CLCN4: variants seen among roughly 807,000 people sequenced by gnomAD.
CLCN4 encodes the protein H(+)/Cl(-) exchange transporter 4.
Under a neutral mutation model 41.7 loss-of-function variants are expected in CLCN4, and 1 was observed. That is an observed-to-expected ratio of 0.02 (90% CI 0.01 to 0.11). The LOEUF is 0.11. Among genes scored for constraint, CLCN4 ranks in the 10% least tolerant of loss-of-function variants. The pLI is 1.00. For missense variants in CLCN4, 287 were observed against 661.0 expected, an observed-to-expected ratio of 0.43 and a Z score of 6.20; for synonymous variants, 277 against 285.8, an observed-to-expected ratio of 0.97 and a Z score of 0.31.
intron 12 of CLCN4, among the ~76,000 whole-genome samples, chrX:10,227,998 T>C (rs1422991184): frequency 9.0e-6 from 1 of 110,983 alleles, no homozygotes; most frequent in Non-Finnish European, 1.9e-5. Flanking sequence ...GGGTATATGG[T>C]ATATTTTGAT....
chrX:10,230,504 A>G (rs146324959), intron 12 of CLCN4, among the ~76,000 whole-genome samples: 9 of 112,000 alleles, frequency 8.0e-5, no homozygotes, highest in Non-Finnish European at 1.7e-4. Flanking sequence ...ACAAATCAGG[A>G]TGGAAAGAAA....
intron 6 of CLCN4, among the ~76,000 whole-genome samples, chrX:10,204,395 T>C (rs1924316122): frequency 8.9e-6 from 1 of 111,809 alleles, no homozygotes; most frequent in Non-Finnish European, 1.9e-5. Flanking sequence ...ACATATATCA[T>C]TGGAATGTTG....
At chrX:10,173,227 T>A (rs183579125) in intron 2 of CLCN4, among the ~76,000 whole-genome samples, 6 of 111,448 alleles carry the variant, frequency 5.4e-5, no homozygotes, top group Admixed American at 2.9e-4. Context: ...GCGTCTCAAA[T>A]GCAGTCTTGG....
chrX:10,233,813 A>G lies in CLCN4; in HGVS notation c.*229A>G, dbSNP rs1925182465. 1 of 370,211 alleles carries G rather than the reference A, an allele frequency of 2.7e-6. No homozygotes were observed. Among genetic ancestry groups the G allele is most frequent in the African/African-American group, 2.6e-5 (1 of 38,660 alleles). 30.5% of individuals were successfully genotyped at this position (370,211 alleles called of 1,213,427 possible). On this transcript the variant is annotated 3_prime_UTR_variant, in exon 13 of 13. Coordinates refer to ENST00000380833, the MANE Select transcript of CLCN4 (RefSeq NM_001830.4). ...TATGAGTTTCAAGCTGTGTTTCCTA[A>G]TGAGTTTGCTACTGCTGTGGGGGCA...
chrX:10,195,129 A>G (rs765929655), intron 5 of CLCN4, 31 bp downstream of exon 5: 1 of 1,163,669 alleles, frequency 8.6e-7, no homozygotes, highest in Non-Finnish European at 1.2e-6. Context: ...CTGGCTGGGG[A>G]CCCCTGCCGT....
At chrX:10,160,998 T>C (rs1310789100) in intron 2 of CLCN4, among the ~76,000 whole-genome samples, 1 of 110,641 alleles carries the variant, frequency 9.0e-6, no homozygotes, top group South Asian at 3.9e-4. Context: ...GGGGGACATG[T>C]TTACTATGTG....
chrX:10,220,870 C>T lies in CLCN4; in HGVS notation c.2185C>T (p.Arg729Trp), dbSNP rs769848382. Residue 729 changes from arginine (R) to tryptophan (W), a missense_variant, in exon 12 of 13, where the codon CGG (arginine) becomes TGG (tryptophan). Physicochemically the swap from Arg to Trp is moderately radical, Grantham distance 101. Coordinates refer to ENST00000380833, the MANE Select transcript of CLCN4 (RefSeq NM_001830.4). ...KLGLRQCLVT[R>W]SGRLLGIITK... is the part of the protein sequence containing the mutation. The stretch of plus-strand genomic sequence containing the variant: ...GGGGCTTCGGCAGTGCCTGGTGACG[C>T]GGAGCGGGTGAGTAGCCGGACATGT... 1.7e-6 allele frequency: 2 copies of T among 1,207,062 alleles called. No homozygotes were observed. The highest frequency in any genetic ancestry group is 3.0e-5 in the East Asian group (1 of 33,806).
intron 2 of CLCN4, among the ~76,000 whole-genome samples, chrX:10,177,183 G>A (rs758316643): frequency 6.2e-5 from 7 of 112,657 alleles, no homozygotes; most frequent in South Asian, 3.6e-4. Flanking sequence ...TTCAGTGTCC[G>A]CGAATAAAGT....
chrX:10,209,990 T>C (rs1924503289), intron 9 of CLCN4, among the ~76,000 whole-genome samples: 1 of 111,533 alleles, frequency 9.0e-6, no homozygotes, highest in South Asian at 3.8e-4. Flanking sequence ...CCCATCTCCA[T>C]TAACAGTCAT....
At chrX:10,170,083 C>T (rs918395722) in intron 2 of CLCN4, among the ~76,000 whole-genome samples, 2 of 111,900 alleles carry the variant, frequency 1.8e-5, no homozygotes, top group African/African-American at 3.3e-5. Context: ...CCACCACACC[C>T]GCCCTCTTAT....
At chrX:10,196,686 A>G (rs978438395) in intron 5 of CLCN4, among the ~76,000 whole-genome samples, 2 of 110,941 alleles carry the variant, frequency 1.8e-5, no homozygotes, top group African/African-American at 6.6e-5. Flanking sequence ...GAAATCTCAC[A>G]TGTTCTCAGT....
At chrX:10,172,693 G>C (rs7884232) in intron 2 of CLCN4, among the ~76,000 whole-genome samples, 1 of 100,239 alleles carries the variant, frequency 1.0e-5, no homozygotes, top group Non-Finnish European at 2.0e-5. Context: ...GCGTGTGTGT[G>C]TGTGTGTGAG....
chrX:10,213,238 G>C (rs991366578), intron 10 of CLCN4, among the ~76,000 whole-genome samples: 2 of 112,024 alleles, frequency 1.8e-5, no homozygotes, highest in African/African-American at 3.3e-5. Context: ...TAAAAATCTT[G>C]GTTTAGCAGA....
intron 12 of CLCN4, among the ~76,000 whole-genome samples, chrX:10,229,125 C>CTAT (rs1925059478): frequency 9.0e-6 from 1 of 111,187 alleles, no homozygotes; most frequent in African/African-American, 3.3e-5. Flanking sequence ...GGAAGGAGTC[C>CTAT]TATTGGCCCA....
chrX:10,216,895 G>GTATATATATATATATATATATATA (rs1277215208), intron 11 of CLCN4, among the ~76,000 whole-genome samples: 5 of 2,094 alleles, frequency 2.4e-3, no homozygotes, highest in Non-Finnish European at 6.0e-3. Context: ...GTGTGTGTGT[G>GTATATATATATATATATATATATA]TGTATATATA....
intron 9 of CLCN4, among the ~76,000 whole-genome samples, chrX:10,208,803 A>G (rs766632280): frequency 1.8e-5 from 2 of 112,147 alleles, no homozygotes; most frequent in Admixed American, 1.9e-4. Context: ...CCCATTTTAC[A>G]ACTGAGGAAA....
At chrX:10,181,871 C>T (rs1255213974) in intron 2 of CLCN4, among the ~76,000 whole-genome samples, 2 of 111,863 alleles carry the variant, frequency 1.8e-5, no homozygotes, top group East Asian at 5.6e-4. Context: ...TTAATACATG[C>T]TTGTCTTCGT....
At chrX:10,183,933 C>G (rs192168107) in intron 2 of CLCN4, among the ~76,000 whole-genome samples, 9 of 112,312 alleles carry the variant, frequency 8.0e-5, no homozygotes, top group Non-Finnish European at 1.5e-4. Flanking sequence ...GCTCTTGGCT[C>G]GCGGCAGGTT....
At chrX:10,226,720 C>T (rs1425222582) in intron 12 of CLCN4, among the ~76,000 whole-genome samples, 1 of 111,367 alleles carries the variant, frequency 9.0e-6, no homozygotes, top group Non-Finnish European at 1.9e-5. Flanking sequence ...CAGGGGATAT[C>T]ATCACTGACC....
Sources: allele counts gnomAD v4.1 joint callset (sites outside exome capture counted in the v4.1 genomes callset), GRCh38; gene constraint gnomAD v4.1.1; transcripts MANE v1.5; gene names NCBI Gene and HGNC (gene_info 2026-07-23, HGNC 2026-07-21).